Variants in AMPH observed in about 807,000 individuals in gnomAD.
AMPH encodes the protein amphiphysin (Stiff-Mann syndrome with breast cancer 128kD autoantigen).
In AMPH, 49 loss-of-function variants were observed where a neutral mutation model predicts 99.1. The ratio of observed to expected loss-of-function variants is 0.49; its 90% CI spans 0.39 to 0.63. AMPH has a LOEUF of 0.63. Ranked by LOEUF, AMPH falls within the 20% of genes least tolerant of loss-of-function variation. The pLI is 0.00. For missense variants in AMPH, 759 were observed against 863.4 expected, an observed-to-expected ratio of 0.88 and a Z score of 1.52; for synonymous variants, 314 against 317.3, an observed-to-expected ratio of 0.99 and a Z score of 0.11.
intron 4 of AMPH, among the ~76,000 whole-genome samples, chr7:38,492,346 G>C (rs1788751112): frequency 6.6e-6 from 1 of 152,188 alleles, no homozygotes; most frequent in Non-Finnish European, 1.5e-5. Flanking sequence ...TGCTCAGAGA[G>C]TCACCTTGCC....
intron 1 of AMPH, among the ~76,000 whole-genome samples, chr7:38,590,280 C>T (rs1037884744): frequency 2.6e-5 from 4 of 152,256 alleles, no homozygotes; most frequent in East Asian, 1.9e-4. Flanking sequence ...AATGGTGAGC[C>T]TTTAGCCCAA....
intron 1 of AMPH, among the ~76,000 whole-genome samples, chr7:38,585,384 C>T (rs763547796): frequency 9.9e-5 from 15 of 152,144 alleles, no homozygotes; most frequent in Non-Finnish European, 2.1e-4. Flanking sequence ...TGGCCACTAG[C>T]TCCCAGCTAG....
In AMPH at chr7:38,603,765, G is replaced by A. The variant is rs75517015; in HGVS notation, c.69+27518C>T. ...CAGCTCAGCCCTCCCTGCTCATGCA[G>A]TCTGGTCATTTATGTGACACTTCCC... On this transcript the variant is annotated intron_variant, in intron 1 of 20. Transcript: ENST00000356264. 7.6e-4 allele frequency among the ~76,000 whole-genome samples: 116 copies of A among 152,318 alleles called. 2 individuals are homozygous for A. The East Asian group carries it at 0.017, about 22-fold the overall frequency.
chr7:38,407,100 GT>G (rs1785055817), intron 17 of AMPH, among the ~76,000 whole-genome samples: 1 of 101,928 alleles, frequency 9.8e-6, no homozygotes, highest in Non-Finnish European at 2.0e-5. Flanking sequence ...GTGTGTGTGT[GT>G]GTGTGTGTGT....
At chr7:38,548,027 A>ATTTT (rs34488266) in intron 1 of AMPH, among the ~76,000 whole-genome samples, 1 of 126,008 alleles carries the variant, frequency 7.9e-6, no homozygotes, top group Non-Finnish European at 1.7e-5. Context: ...TTGTGGGCAA[A>ATTTT]TTTTTTTTTT....
rs534208919 is a variant in AMPH, at chr7:38,561,350, T to C, written c.70-26339A>G. 1.5e-4 allele frequency among the ~76,000 whole-genome samples: 23 copies of C among 152,300 alleles called. No individual in the cohort carries two copies. The South Asian group carries it at 4.4e-3, about 29-fold the overall frequency. ...TCATGAGGTTAGACTGCTAGCCCTG[T>C]CTTATCCTCCAGAAAGTGTCATATG... is the stretch of plus-strand genomic sequence containing the variant. On this transcript the variant is annotated intron_variant, in intron 1 of 20. Transcript: ENST00000356264.
chr7:38,475,881 T>C (rs538627047), intron 6 of AMPH, among the ~76,000 whole-genome samples: 25 of 152,174 alleles, frequency 1.6e-4, no homozygotes, highest in African/African-American at 5.3e-4. Context: ...AATCAGAAAA[T>C]GTTTGCTAAA....
At chr7:38,587,788 C>T (rs1057497511) in intron 1 of AMPH, among the ~76,000 whole-genome samples, 2 of 152,038 alleles carry the variant, frequency 1.3e-5, no homozygotes, top group Non-Finnish European at 2.9e-5. Flanking sequence ...ATTGTGCTGC[C>T]AACGGTGCTC....
intron 1 of AMPH, among the ~76,000 whole-genome samples, chr7:38,584,777 C>T (rs561239148): frequency 6.6e-6 from 1 of 152,340 alleles, no homozygotes; most frequent in African/African-American, 2.4e-5. Context: ...GATTCCATCA[C>T]TGCCTCAGCA....
chr7:38,431,379 T>C (rs906398152), intron 13 of AMPH, among the ~76,000 whole-genome samples: 1 of 152,168 alleles, frequency 6.6e-6, no homozygotes, highest in Non-Finnish European at 1.5e-5. Context: ...TTGCTCAGGC[T>C]GGCCGCAGTG....
intron 17 of AMPH, among the ~76,000 whole-genome samples, chr7:38,408,789 T>C (rs929051473): frequency 3.9e-5 from 6 of 152,006 alleles, no homozygotes; most frequent in East Asian, 1.9e-4. Context: ...TACATTACTT[T>C]TGCCTACTTT....
intron 11 of AMPH, among the ~76,000 whole-genome samples, chr7:38,440,813 T>C (rs1786477528): frequency 1.3e-5 from 2 of 151,676 alleles, no homozygotes; most frequent in African/African-American, 4.8e-5. Context: ...TTAAAGAGAA[T>C]AAAAAATGTT....
At chr7:38,569,813 T>C (rs964935119) in intron 1 of AMPH, among the ~76,000 whole-genome samples, 8 of 152,160 alleles carry the variant, frequency 5.3e-5, no homozygotes, top group African/African-American at 1.7e-4. Context: ...GTGGCATTAA[T>C]AGGTCTTTTG....
rs184022792 is a variant in AMPH, at chr7:38,559,525, T to C, written c.70-24514A>G. Among the ~76,000 whole-genome samples, 527 of 152,348 alleles carry C rather than the reference T, an allele frequency of 3.5e-3. 6 individuals carry two copies. Among genetic ancestry groups the C allele is most frequent in the African/African-American group, 0.012 (489 of 41,582 alleles). ...CCAGCTGGATCCCTGAGTCAGACTA[T>C]ATAGAAACAAATGGAAGTTCCACCT... On this transcript the variant is annotated intron_variant, in intron 1 of 20. Transcript: ENST00000356264.
intron 12 of AMPH, among the ~76,000 whole-genome samples, chr7:38,433,724 C>CAAAAAAAAAAAAAAAAAAA (rs570503359): frequency 1.9e-5 from 1 of 53,196 alleles, no homozygotes; most frequent in Non-Finnish European, 3.1e-5. Flanking sequence ...GACTCCGTCT[C>CAAAAAAAAAAAAAAAAAAA]AAAAAAAAAA....
chr7:38,454,852 C>G (rs1172455154), intron 11 of AMPH, among the ~76,000 whole-genome samples: 1 of 151,992 alleles, frequency 6.6e-6, no homozygotes, highest in Non-Finnish European at 1.5e-5. Context: ...TTGGTACAAC[C>G]AACTGAGAGA....
At chr7:38,489,230 T>C (rs564098715) in intron 5 of AMPH, among the ~76,000 whole-genome samples, 1 of 152,162 alleles carries the variant, frequency 6.6e-6, no homozygotes, top group Admixed American at 6.5e-5. Context: ...GTGCCAAGAA[T>C]ACAGAACTGG....
At chr7:38,507,579 TAAAC>T (rs1789374070) in intron 2 of AMPH, among the ~76,000 whole-genome samples, 1 of 152,248 alleles carries the variant, frequency 6.6e-6, no homozygotes, top group African/African-American at 2.4e-5. Context: ...TGTTTGAAAT[TAAAC>T]AAATTCTTAT....
intron 11 of AMPH, among the ~76,000 whole-genome samples, chr7:38,453,569 CT>C (rs555368568): frequency 4.3e-4 from 66 of 152,274 alleles, no homozygotes; most frequent in African/African-American, 1.6e-3. Context: ...TGCTTTGATC[CT>C]TTTTCCCCCC....
Sources: allele counts gnomAD v4.1 joint callset (sites outside exome capture counted in the v4.1 genomes callset), GRCh38; gene constraint gnomAD v4.1.1; transcripts MANE v1.5; gene names NCBI Gene and HGNC (gene_info 2026-07-23, HGNC 2026-07-21).